The following PAK3 variants were observed in gnomAD, a reference collection of about 807,000 sequenced individuals.
The protein encoded by PAK3 is p21 (RAC1) activated kinase 3.
PAK3 carries 4 observed loss-of-function variants against 41.0 expected under a neutral mutation model. The ratio of observed to expected loss-of-function variants is 0.10; its 90% confidence interval spans 0.05 to 0.22. PAK3 has a LOEUF of 0.22. Ranked by LOEUF, PAK3 falls within the 10% of genes least tolerant of loss-of-function variation. The probability of loss-of-function intolerance (pLI) is 1.00; values close to 1 mark genes in which losing one functional copy is unlikely to be tolerated. For synonymous variants in PAK3, 146 were observed against 139.6 expected (o/e 1.05, Z -0.32); for missense variants, 205 against 409.9 (o/e 0.50, Z 4.32).
intron 1 of PAK3, among the ~76,000 whole-genome samples, chrX:111,082,509 A>T (rs984068112): frequency 9.0e-6 from 1 of 111,636 alleles, no homozygotes; most frequent in Non-Finnish European, 1.9e-5. Flanking sequence ...TCTCATTATA[A>T]AGAAGACCTT....
chrX:111,162,096 T>A (rs1051463909), intron 8 of PAK3, among the ~76,000 whole-genome samples: 4 of 111,418 alleles, frequency 3.6e-5, no homozygotes, highest in Admixed American at 9.6e-5. Flanking sequence ...AAAATTTGCA[T>A]TTCTAACAAG....
At chrX:111,201,314 C>A (rs1013672701) in intron 16 of PAK3, among the ~76,000 whole-genome samples, 1 of 111,866 alleles carries the variant, frequency 8.9e-6, no homozygotes, top group African/African-American at 3.2e-5. Context: ...TATTTGGAAT[C>A]TTTAAAATGT....
intron 4 of PAK3, among the ~76,000 whole-genome samples, chrX:111,107,748 A>G (rs1052695673): frequency 1.8e-5 from 2 of 112,101 alleles, no homozygotes; most frequent in Non-Finnish European, 3.8e-5. Context: ...AACTTCTTTG[A>G]TAGCAAGAAC....
chrX:111,118,438 C>T (rs1453306801), intron 4 of PAK3, among the ~76,000 whole-genome samples: 1 of 110,436 alleles, frequency 9.1e-6, no homozygotes, highest in Non-Finnish European at 1.9e-5. Context: ...TGCCCACCAC[C>T]AAAAGTACAA....
intron 1 of PAK3, among the ~76,000 whole-genome samples, chrX:111,042,006 T>C (rs774267083): frequency 8.9e-6 from 1 of 112,237 alleles, no homozygotes; most frequent in South Asian, 3.7e-4. Context: ...ATTCAACAAA[T>C]AGATGTCTCT....
At chrX:111,029,265 G>C (rs1162324359) in intron 1 of PAK3, among the ~76,000 whole-genome samples, 1 of 112,169 alleles carries the variant, frequency 8.9e-6, no homozygotes, top group Non-Finnish European at 1.9e-5. Context: ...AAGGAATGTA[G>C]GTATGAAATG....
chrX:111,030,713 T>G (rs1171059635), intron 1 of PAK3, among the ~76,000 whole-genome samples: 1 of 111,054 alleles, frequency 9.0e-6, no homozygotes, highest in East Asian at 2.8e-4. Flanking sequence ...AATCTGAGCT[T>G]CATCTGCTTG....
chrX:111,010,297 G>A (rs2091992887), intron 1 of PAK3, among the ~76,000 whole-genome samples: 1 of 111,763 alleles, frequency 8.9e-6, no homozygotes, highest in Admixed American at 9.4e-5. Flanking sequence ...TCATGCTGGG[G>A]AATTAGAGCT....
At chrX:111,068,466 T>C (rs1450288446) in intron 1 of PAK3, among the ~76,000 whole-genome samples, 2 of 111,427 alleles carry the variant, frequency 1.8e-5, no homozygotes, top group Non-Finnish European at 3.8e-5. Context: ...CGCTGGCTAA[T>C]TTTTGTATAT....
At chrX:111,016,372 A>T (rs1294061600) in intron 1 of PAK3, among the ~76,000 whole-genome samples, 2 of 111,525 alleles carry the variant, frequency 1.8e-5, no homozygotes, top group Non-Finnish European at 3.8e-5. Context: ...CATAAATGTT[A>T]GCTGGTATCA....
At chrX:111,062,566 T>C (rs2092665891) in intron 1 of PAK3, among the ~76,000 whole-genome samples, 3 of 112,084 alleles carry the variant, frequency 2.7e-5, no homozygotes, top group African/African-American at 9.7e-5. Context: ...AGTGAAGAAT[T>C]TCCCAGAGAG....
At chrX:111,168,646 T>G (rs1156670068) in intron 10 of PAK3, among the ~76,000 whole-genome samples, 1 of 111,418 alleles carries the variant, frequency 9.0e-6, no homozygotes, top group Admixed American at 9.5e-5. Context: ...TATTTCCAGT[T>G]TTTTTTCCCC....
In PAK3 at chrX:111,192,285, C is replaced by T. The variant is rs371205002; in HGVS notation, c.879+110C>T. The T allele has an allele frequency of 8.6e-6, 5 of 582,295 alleles. No homozygotes were observed. In the African/African-American group the frequency reaches 9.1e-5, roughly 11 times the overall value. 48.0% of individuals were successfully genotyped at this position (582,295 alleles called of 1,213,427 possible). On this transcript the variant is annotated intron_variant, in intron 12 of 17. Transcript: ENST00000372007. ...AAAAAAATGGGTAGCACTGGGTTGA[C>T]ATAGGTGTTTACTTCCTTGGTGCCC...
At position 111,171,205 on chromosome X, in the gene PAK3, G is replaced by C. The variant is rs1265473377; in HGVS notation, c.767-1813G>C. 2.7e-5 allele frequency among the ~76,000 whole-genome samples: 3 copies of C among 111,363 alleles called. No homozygotes were observed. The East Asian group carries it at 8.5e-4, about 32-fold the overall frequency. Reference sequence around the variant, plus strand: ...TAGAGAGAAGAGTATGAATACGAGTGACAACTAGAAGATAGAATTTACAGA... The same window carrying C: ...TAGAGAGAAGAGTATGAATACGAGTCACAACTAGAAGATAGAATTTACAGA... On this transcript the variant is annotated intron_variant, in intron 10 of 17. Transcript: ENST00000372007.
At chrX:111,168,161 A>G (rs1341351226) in intron 10 of PAK3, among the ~76,000 whole-genome samples, 1 of 112,065 alleles carries the variant, frequency 8.9e-6, no homozygotes, top group African/African-American at 3.2e-5. Flanking sequence ...ACCTTAGCTT[A>G]ATATGTCAGA....
chrX:111,150,651 G>A (rs1008842428), intron 7 of PAK3, among the ~76,000 whole-genome samples: 4 of 111,089 alleles, frequency 3.6e-5, no homozygotes, highest in African/African-American at 9.8e-5. Context: ...GGGAAAGACC[G>A]GCCACTATAA....
chrX:110,962,574 G>T (rs1347666650), intron 1 of PAK3, among the ~76,000 whole-genome samples: 1 of 112,415 alleles, frequency 8.9e-6, no homozygotes, highest in South Asian at 3.7e-4. Flanking sequence ...GACTCCCAGG[G>T]ACTTATAGCA....
intron 6 of PAK3, chrX:111,146,426 C>A: frequency 1.7e-6 from 1 of 590,231 alleles, no homozygotes; most frequent in Non-Finnish European, 2.8e-6. Context: ...GGACTCCCCC[C>A]ATTCAGACCC....
At chrX:111,038,788 G>A (rs1198502023) in intron 1 of PAK3, among the ~76,000 whole-genome samples, 1 of 112,062 alleles carries the variant, frequency 8.9e-6, no homozygotes, top group Non-Finnish European at 1.9e-5. Flanking sequence ...TTTATAATTT[G>A]CTTAGATCAG....
Sources: allele counts gnomAD v4.1 joint callset (sites outside exome capture counted in the v4.1 genomes callset), GRCh38; gene constraint gnomAD v4.1.1; transcripts MANE v1.5; gene names NCBI Gene and HGNC (gene_info 2026-07-23, HGNC 2026-07-21).